Variants in DACH2 observed in about 807,000 individuals in gnomAD.
The protein encoded by DACH2 is dachshund family transcription factor 2.
Under a neutral mutation model 35.8 loss-of-function variants are expected in DACH2, and 17 were observed. The observed-to-expected ratio is 0.48, with a 90% CI of 0.33 to 0.71. The LOEUF is 0.71. DACH2 is among the 30% of genes least tolerant of loss of function. DACH2 has a pLI of 0.02. For synonymous variants in DACH2, 195 were observed against 177.3 expected (o/e 1.10, Z -0.79); for missense variants, 469 against 472.7 (o/e 0.99, Z 0.07).
intron 3 of DACH2, among the ~76,000 whole-genome samples, chrX:86,610,398 TTTCTTTCTTTCTTTCTTTCTTTTC>T (rs1346740362): frequency 0.017 from 1,496 of 87,044 alleles, 39 homozygotes; most frequent in African/African-American, 0.061. Flanking sequence ...TCTTTCTTTC[TTTCTTTCTTTCTTTCTTTCTTTTC>T]TTTCTTTCTT....
intron 3 of DACH2, among the ~76,000 whole-genome samples, chrX:86,557,042 T>A (rs765711287): frequency 7.4e-5 from 8 of 108,455 alleles, no homozygotes; most frequent in African/African-American, 2.3e-4. Context: ...TCCAGGAGTC[T>A]GAAGGCCTGA....
intron 2 of DACH2, among the ~76,000 whole-genome samples, chrX:86,454,310 T>G (rs185426328): frequency 9.0e-6 from 1 of 111,486 alleles, no homozygotes; most frequent in Non-Finnish European, 1.9e-5. Context: ...TCCTGAATTT[T>G]AATGTTAGCC....
intron 4 of DACH2, among the ~76,000 whole-genome samples, chrX:86,685,193 T>G (rs1004223901): frequency 9.0e-6 from 1 of 111,599 alleles, no homozygotes; most frequent in Non-Finnish European, 1.9e-5. Flanking sequence ...AAGGCTAGTT[T>G]ATTGAATCCA....
intron 3 of DACH2, among the ~76,000 whole-genome samples, chrX:86,580,327 T>A (rs561467742): frequency 1.8e-5 from 2 of 111,704 alleles, no homozygotes; most frequent in East Asian, 2.8e-4. Context: ...AGCCACAACA[T>A]CTTCTCACCT....
At chrX:86,475,445 G>T (rs1466118621) in intron 2 of DACH2, among the ~76,000 whole-genome samples, 7 of 110,906 alleles carry the variant, frequency 6.3e-5, no homozygotes, top group Non-Finnish European at 1.3e-4. Context: ...TTCATTTATG[G>T]CTATTGTAAA....
intron 2 of DACH2, among the ~76,000 whole-genome samples, chrX:86,423,121 C>T (rs774150585): frequency 9.0e-5 from 10 of 111,539 alleles, no homozygotes; most frequent in Non-Finnish European, 1.9e-4. Flanking sequence ...AACAGTGCTG[C>T]AACAAACACA....
At chrX:86,159,506 GA>G (rs1310903294) in intron 1 of DACH2, among the ~76,000 whole-genome samples, 1 of 110,982 alleles carries the variant, frequency 9.0e-6, no homozygotes, top group East Asian at 2.8e-4. Flanking sequence ...TTTGTTCATA[GA>G]AAAAAAATTA....
chrX:86,247,476 G>C (rs771236431), intron 1 of DACH2, among the ~76,000 whole-genome samples: 2 of 111,525 alleles, frequency 1.8e-5, no homozygotes, highest in Non-Finnish European at 3.8e-5. Flanking sequence ...AAAACACCCA[G>C]TGATTATTAC....
At chrX:86,500,455 C>T (rs2038234489) in intron 2 of DACH2, among the ~76,000 whole-genome samples, 1 of 111,606 alleles carries the variant, frequency 9.0e-6, no homozygotes, top group African/African-American at 3.3e-5. Flanking sequence ...CTATCTGTAT[C>T]CCACACGCCT....
chrX:86,421,709 G>A (rs761303527), intron 2 of DACH2, among the ~76,000 whole-genome samples: 51 of 111,173 alleles, frequency 4.6e-4, no homozygotes, highest in Admixed American at 1.2e-3. Context: ...GAATATATTG[G>A]TATTGGTTTC....
intron 7 of DACH2, among the ~76,000 whole-genome samples, chrX:86,770,687 C>T (rs1260557989): frequency 9.0e-6 from 1 of 111,721 alleles, no homozygotes; most frequent in Non-Finnish European, 1.9e-5. Flanking sequence ...ACACTTTGGG[C>T]AAATTTTATC....
chrX:86,493,559 C>T (rs1390222718), intron 2 of DACH2, among the ~76,000 whole-genome samples: 2 of 111,500 alleles, frequency 1.8e-5, no homozygotes, highest in African/African-American at 6.5e-5. Context: ...GGCATATTTT[C>T]TCTCTCTCAT....
rs774911989 is a variant in DACH2 at position 86,346,553 on chromosome X, A to G, written c.489-30271A>G. 2.7e-5 allele frequency among the ~76,000 whole-genome samples: 3 copies of G among 111,637 alleles called. No individual in the cohort carries two copies. The East Asian group carries it at 8.5e-4, about 32-fold the overall frequency. On this transcript the variant is annotated intron_variant, in intron 1 of 11. Transcript: ENST00000373125. The stretch of plus-strand genomic sequence containing the variant: ...TCATCTTAAGATAAAACCCCAAAAA[A>G]CAAAACAGCTGACTTGAGCTGAAAC...
intron 1 of DACH2, among the ~76,000 whole-genome samples, chrX:86,248,027 A>T (rs2147948529): frequency 9.0e-6 from 1 of 110,763 alleles, no homozygotes; most frequent in South Asian, 3.8e-4. Flanking sequence ...ACTAGGCATT[A>T]AAAAAATACC....
chrX:86,712,219 T>A (rs1023694029), intron 5 of DACH2, among the ~76,000 whole-genome samples: 2 of 111,511 alleles, frequency 1.8e-5, no homozygotes, highest in Admixed American at 9.6e-5. Flanking sequence ...AATGTGAAGG[T>A]TTCAGGAGAA....
At chrX:86,220,484 T>G (rs1475720096) in intron 1 of DACH2, among the ~76,000 whole-genome samples, 1 of 112,031 alleles carries the variant, frequency 8.9e-6, no homozygotes, top group East Asian at 2.8e-4. Flanking sequence ...ATTTTTCCTA[T>G]GATTGGCTTG....
chrX:86,152,974 A>G (rs1406177794), intron 1 of DACH2, among the ~76,000 whole-genome samples: 1 of 111,697 alleles, frequency 9.0e-6, no homozygotes, highest in Non-Finnish European at 1.9e-5. Context: ...TGAAGCAGTA[A>G]AATAGTAAAT....
chrX:86,293,565 T>A (rs1183184029), intron 1 of DACH2, among the ~76,000 whole-genome samples: 1 of 110,591 alleles, frequency 9.0e-6, no homozygotes, highest in African/African-American at 3.3e-5. Flanking sequence ...CTGGTACCGG[T>A]TGTTCCTTTC....
At chrX:86,228,326 C>T (rs1441314077) in intron 1 of DACH2, among the ~76,000 whole-genome samples, 1 of 110,387 alleles carries the variant, frequency 9.1e-6, no homozygotes, top group African/African-American at 3.3e-5. Context: ...GTTTCTTTAT[C>T]CACTCGTTGA....
Sources: allele counts gnomAD v4.1 joint callset (sites outside exome capture counted in the v4.1 genomes callset), GRCh38; gene constraint gnomAD v4.1.1; transcripts MANE v1.5; gene names NCBI Gene and HGNC (gene_info 2026-07-23, HGNC 2026-07-21).